The following PCDHGA3 variants were observed in gnomAD, a reference collection of about 807,000 sequenced individuals.
PCDHGA3 encodes protocadherin gamma subfamily A, 3, also known as protocadherin gamma-A3.
A neutral mutation model predicts 58.5 loss-of-function variants in PCDHGA3; 40 were observed. That is an observed-to-expected ratio of 0.68 (90% CI 0.53 to 0.89). The LOEUF is 0.89. Ranked by LOEUF, PCDHGA3 falls within the 40% of genes least tolerant of loss-of-function variation. PCDHGA3 has a pLI of 0.00. For missense variants in PCDHGA3, 1,223 were observed against 1,195.9 expected, an observed-to-expected ratio of 1.02 and a Z score of -0.33; for synonymous variants, 530 against 525.7, an observed-to-expected ratio of 1.01 and a Z score of -0.11.
chr5:141,456,878 G>A (rs71583646), intron 1 of PCDHGA3, among the ~76,000 whole-genome samples: 21 of 152,162 alleles, frequency 1.4e-4, no homozygotes, highest in African/African-American at 2.4e-4. Flanking sequence ...CAGGAGAATC[G>A]CTTGAACCCG....
In PCDHGA3 at chr5:141,491,801, G is replaced by C; in HGVS notation, c.2425-3006G>C. 1 of 1,500,844 alleles carries C rather than the reference G, an allele frequency of 6.7e-7. No individual in the cohort carries two copies. Among genetic ancestry groups the C allele is most frequent in the Non-Finnish European group, 8.9e-7 (1 of 1,125,292 alleles). The allele number at this position is 1,500,844 out of a possible 1,614,324, so 93.0% of individuals were successfully genotyped here. The stretch of plus-strand genomic sequence containing the variant: ...AACTTGCATCCACTCCTCTCCGGCC[G>C]GCTTGGTCGCTGGCTGCGCTCCACC... On this transcript the variant is annotated intron_variant, in intron 1 of 3. Coordinates refer to ENST00000253812, the MANE Select transcript of PCDHGA3 (RefSeq NM_018916.4). The surrounding 1 kb of genome is among the most constrained non-coding windows in gnomAD (Gnocchi z 6.9).
chr5:141,372,295 A>T (rs747911536), intron 1 of PCDHGA3: 2 of 1,613,304 alleles, frequency 1.2e-6, no homozygotes, highest in Non-Finnish European at 1.7e-6. Context: ...ACCTTGGGCG[A>T]CAGGGAGGCC....
At chr5:141,438,591 CATATATAT>C (rs946798767) in intron 1 of PCDHGA3, among the ~76,000 whole-genome samples, 35 of 75,562 alleles carry the variant, frequency 4.6e-4, no homozygotes, top group South Asian at 1.0e-3. Flanking sequence ...TACATACATA[CATATATAT>C]ATATATATAT....
chr5:141,366,208 G>A (rs1017414789), intron 1 of PCDHGA3: 2 of 1,613,700 alleles, frequency 1.2e-6, no homozygotes, highest in African/African-American at 1.3e-5. Flanking sequence ...CGGGCGAGGT[G>A]CGCACAGCGC....
In PCDHGA3 at chr5:141,490,363, C is replaced by T. The variant is rs779932482; in HGVS notation, c.2425-4444C>T. 10 of 1,614,036 alleles carry T rather than the reference C, an allele frequency of 6.2e-6. No individual in the cohort carries two copies. The highest frequency in any genetic ancestry group is 1.3e-5 in the African/African-American group (1 of 74,904). The stretch of plus-strand genomic sequence containing the variant: ...CACAGTAGTGGGGTTGTTTAATGTG[C>T]GAGACCGGGACTCAGGTAGAAATGG... On this transcript the variant is annotated intron_variant, in intron 1 of 3. Coordinates refer to ENST00000253812, the MANE Select transcript of PCDHGA3 (RefSeq NM_018916.4). The surrounding 1 kb of genome is among the most constrained non-coding windows in gnomAD (Gnocchi z 5.4).
chr5:141,454,010 G>A (rs998092071), intron 1 of PCDHGA3, among the ~76,000 whole-genome samples: 2 of 152,146 alleles, frequency 1.3e-5, no homozygotes, highest in African/African-American at 4.8e-5. Context: ...TAACATTTTA[G>A]AAAAATGTAT....
rs755984295 is a variant in PCDHGA3, at chr5:141,344,345, A to G, written c.312A>G (p.Val104=). The G allele has an allele frequency of 6.2e-7, 1 of 1,613,840 alleles. No homozygotes were observed. Among genetic ancestry groups the G allele is most frequent in the African/African-American group, 1.3e-5 (1 of 74,920 alleles). The change falls in exon 1 of 4, where the codon GTA becomes GTG. Residue 104 remains valine (V), a synonymous_variant. Transcript: ENST00000253812. ...ELCAQIPLCL[V]KINILVEDKL... ...GCGCTCAGATCCCGCTGTGTCTGGTAAAAATTAACATTCTGGTTGAGGATA... is the reference window on the plus strand; with the variant it reads ...GCGCTCAGATCCCGCTGTGTCTGGTGAAAATTAACATTCTGGTTGAGGATA...
chr5:141,345,442 CCAT>C lies in PCDHGA3; in HGVS notation c.1411_1413del (p.Ile471del), dbSNP rs746288391. ...CCAGAAAACAACCCCAGAGGAGCCT[CCAT>C]CTTCTCAGTGACAGCCCAGGACCCA... On this transcript the variant is annotated inframe_deletion, in exon 1 of 4. Coordinates refer to ENST00000253812, the MANE Select transcript of PCDHGA3 (RefSeq NM_018916.4). The C allele has an allele frequency of 8.7e-6, 14 of 1,614,016 alleles. No individual in the cohort carries two copies. Among genetic ancestry groups the C allele is most frequent in the East Asian group, 2.2e-5 (1 of 44,880 alleles).
chr5:141,479,860 C>T (rs1374284598), intron 1 of PCDHGA3, among the ~76,000 whole-genome samples: 2 of 152,108 alleles, frequency 1.3e-5, no homozygotes, highest in Admixed American at 6.5e-5. Context: ...AAGGCCTTTG[C>T]CCTGGAGAGA....
At chr5:141,383,473 C>G (rs764928203) in intron 1 of PCDHGA3, 2 of 1,613,686 alleles carry the variant, frequency 1.2e-6, no homozygotes, top group South Asian at 1.1e-5. Flanking sequence ...AACTAAGTAC[C>G]CGGAACTGGT....
intron 1 of PCDHGA3, chr5:141,408,916 C>T (rs1379557230): frequency 6.8e-6 from 11 of 1,613,024 alleles, no homozygotes; most frequent in African/African-American, 2.7e-5. Flanking sequence ...CCAATGATAA[C>T]CCCCCGGTTT....
At chr5:141,355,299 C>G (rs537879124) in intron 1 of PCDHGA3, 2 of 1,613,922 alleles carry the variant, frequency 1.2e-6, no homozygotes, top group Non-Finnish European at 1.7e-6. Flanking sequence ...AGATTCTCTA[C>G]TCGGTGTTTG....
At position 141,432,307 on chromosome 5, in the gene PCDHGA3, G is replaced by A. The variant is rs2097484688; in HGVS notation, c.2425-62500G>A. On this transcript the variant is annotated intron_variant, in intron 1 of 3. Transcript: ENST00000253812. The surrounding 1 kb of genome is among the most constrained non-coding windows in gnomAD (Gnocchi z 6.0). ...ACTCCGACACTGGGGTACTGTATGC[G>A]CTGAGCTCCTTCGACTACGAGCAGT... The A allele has an allele frequency of 5.0e-6, 8 of 1,614,240 alleles. No individual in the cohort carries two copies. Among genetic ancestry groups the A allele is most frequent in the South Asian group, 1.1e-5 (1 of 91,086 alleles).
Position 141,432,403 on chromosome 5 carries a change from G to A in PCDHGA3, c.2425-62404G>A, listed in dbSNP as rs1279890312. The A allele has an allele frequency of 6.2e-7, 1 of 1,614,242 alleles. No homozygotes were observed. The highest frequency in any genetic ancestry group is 8.5e-7 in the Non-Finnish European group (1 of 1,180,052). On this transcript the variant is annotated intron_variant, in intron 1 of 3. Coordinates refer to ENST00000253812, the MANE Select transcript of PCDHGA3 (RefSeq NM_018916.4). The surrounding 1 kb of genome is among the most constrained non-coding windows in gnomAD (Gnocchi z 6.0). ...CGCCCCTCAGCAGCAACGTGTCGTT[G>A]AGCCTGTTCGTGCTGGACCAGAACG...
chr5:141,431,092 G>A lies in PCDHGA3; in HGVS notation c.2425-63715G>A. On this transcript the variant is annotated intron_variant, in intron 1 of 3. Coordinates refer to ENST00000253812, the MANE Select transcript of PCDHGA3 (RefSeq NM_018916.4). This position sits in a 1 kb window ranked among gnomAD's most constrained non-coding sequence, Gnocchi z 4.8. ...AATTAAATCTAGACATTCTGATGGAGGATAAAGTGAAAATATATGGAGTAG... is the reference window on the plus strand; with the variant it reads ...AATTAAATCTAGACATTCTGATGGAAGATAAAGTGAAAATATATGGAGTAG... 1 of 1,614,252 alleles carries A rather than the reference G, an allele frequency of 6.2e-7. No individual in the cohort carries two copies. The highest frequency in any genetic ancestry group is 1.1e-5 in the South Asian group (1 of 91,090).
chr5:141,383,562 C>T (rs1371686723), intron 1 of PCDHGA3: 2 of 1,613,098 alleles, frequency 1.2e-6, no homozygotes, highest in Non-Finnish European at 1.7e-6. Context: ...GCGACCCGCC[C>T]CGATCCAGCA....
intron 1 of PCDHGA3, chr5:141,405,289 C>G (rs1206637203): frequency 1.7e-5 from 28 of 1,614,070 alleles, no homozygotes; most frequent in Non-Finnish European, 2.4e-5. Context: ...CAGACACACT[C>G]ATCAGCCAGC....
chr5:141,350,694 C>T (rs1466835442), intron 1 of PCDHGA3: 6 of 1,613,888 alleles, frequency 3.7e-6, no homozygotes, highest in Non-Finnish European at 5.1e-6. Context: ...TCAGCCTTAC[C>T]CGGGGTAAAA....
At chr5:141,418,654 G>C (rs2096278227) in intron 1 of PCDHGA3, 1 of 1,614,016 alleles carries the variant, frequency 6.2e-7, no homozygotes, top group African/African-American at 1.3e-5. Context: ...TGAGAGTGAA[G>C]GCCACTGACC....
Sources: gnomAD v4.1 joint callset for allele counts (sites outside exome capture counted in the v4.1 genomes callset) on GRCh38, gnomAD v4.1.1 for gene constraint, Gnocchi (gnomAD v3.1) non-coding constraint, MANE v1.5 for transcripts, NCBI Gene and HGNC (gene_info 2026-07-23, HGNC 2026-07-21) for gene names.